The following MCM10 variants were observed in gnomAD, a reference collection of about 807,000 sequenced individuals.
MCM10 encodes the protein protein MCM10 homolog.
A neutral mutation model predicts 109.9 loss-of-function variants in MCM10; 91 were observed. The observed-to-expected ratio is 0.83, with a 90% CI of 0.70 to 0.99. The LOEUF is 0.99. Ranked by LOEUF, MCM10 falls within the 50% of genes least tolerant of loss-of-function variation. MCM10 has a pLI of 0.00. For synonymous variants in MCM10, 380 were observed against 387.2 expected (o/e 0.98, Z 0.22); for missense variants, 1,077 against 1,061.2 (o/e 1.01, Z -0.21).
At chr10:13,183,276 G>C (rs1441347076) in intron 8 of MCM10, among the ~76,000 whole-genome samples, 176 bp downstream of exon 8, 15 of 152,160 alleles carry the variant, frequency 9.9e-5, no homozygotes. Flanking sequence ...GGGCAACATA[G>C]TGAGAACCCC....
At chr10:13,188,390 C>G (rs1220938229) in intron 9 of MCM10, among the ~76,000 whole-genome samples, 1 of 152,106 alleles carries the variant, frequency 6.6e-6, no homozygotes, top group Non-Finnish European at 1.5e-5. Flanking sequence ...TGTGTAACCA[C>G]CAGCTCCCTG....
intron 2 of MCM10, among the ~76,000 whole-genome samples, chr10:13,166,529 G>T (rs1017381950): frequency 6.6e-6 from 1 of 151,706 alleles, no homozygotes; most frequent in Non-Finnish European, 1.5e-5. Context: ...CAGCTACTCG[G>T]GAGGCTGAGG....
chr10:13,177,848 T>C (rs1834162058), intron 6 of MCM10, among the ~76,000 whole-genome samples: 1 of 56,854 alleles, frequency 1.8e-5, no homozygotes. Flanking sequence ...AGACCCTATC[T>C]CAAAAAAAAA....
At chr10:13,163,702 T>TGC (rs1280372946) in intron 1 of MCM10, among the ~76,000 whole-genome samples, 3 of 152,068 alleles carry the variant, frequency 2.0e-5, no homozygotes, top group African/African-American at 7.2e-5. Flanking sequence ...TGTGTGTGTG[T>TGC]GTAATTTTTA....
In MCM10 at chr10:13,189,044, A is replaced by G; in HGVS notation, c.1379A>G (p.Tyr460Cys). The change falls in exon 10 of 20, where the codon TAC (tyrosine) becomes TGC (cysteine). Residue 460 changes from tyrosine to cysteine, a missense_variant. Coordinates refer to ENST00000378714, the MANE Select transcript of MCM10 (RefSeq NM_018518.5). Reference sequence around the variant, plus strand: ...CGGCTGTGCCAAGATGGCTTTTACTACGGAGGGGTTTCTTCTGCCTCGTAT... The same window carrying G: ...CGGCTGTGCCAAGATGGCTTTTACTGCGGAGGGGTTTCTTCTGCCTCGTAT... ...KERLCQDGFY[Y>C]GGVSSASYAA... is the part of the protein sequence containing the mutation. The G allele has an allele frequency of 6.2e-7, 1 of 1,614,236 alleles. No individual in the cohort carries two copies. Among genetic ancestry groups the G allele is most frequent in the African/African-American group, 1.3e-5 (1 of 75,066 alleles).
intron 6 of MCM10, among the ~76,000 whole-genome samples, chr10:13,179,858 T>C (rs1834187493): frequency 6.6e-6 from 1 of 152,218 alleles, no homozygotes; most frequent in Non-Finnish European, 1.5e-5. Flanking sequence ...CAGAAGAATA[T>C]TAAAATTTGC....
At chr10:13,167,075 G>A (rs991305438) in intron 2 of MCM10, among the ~76,000 whole-genome samples, 1 of 152,028 alleles carries the variant, frequency 6.6e-6, no homozygotes, top group Non-Finnish European at 1.5e-5. Flanking sequence ...GGAGTTTGAG[G>A]CTATAGTGAG....
At chr10:13,189,131 C>A in intron 10 of MCM10, 51 bp downstream of exon 10, 1 of 1,578,230 alleles carries the variant, frequency 6.3e-7, no homozygotes, top group Non-Finnish European at 8.7e-7. Flanking sequence ...TTATCAAAGA[C>A]TAAACCTACT....
At chr10:13,194,311 C>T (rs541398870) in intron 13 of MCM10, among the ~76,000 whole-genome samples, 4 of 152,280 alleles carry the variant, frequency 2.6e-5, no homozygotes, top group East Asian at 1.9e-4. Context: ...GGCAGCGAGC[C>T]GCAATCGTGC....
chr10:13,191,197 T>A, intron 10 of MCM10, 102 bp from the exon 11 acceptor site: 2 of 768,330 alleles, frequency 2.6e-6, no homozygotes, highest in Non-Finnish European at 4.5e-6. Context: ...TTGAGAAACT[T>A]TGACGGTGTG....
chr10:13,188,935 G>A lies in MCM10; in HGVS notation c.1270G>A (p.Ala424Thr), dbSNP rs777782045. Residue 424 changes from alanine (A) to threonine (T), a missense_variant, in exon 10 of 20, where the codon GCA (alanine) becomes ACA (threonine). Transcript: ENST00000378714. ...CCAGGCTCAGTACAAGAAGCTCAGC[G>A]CAAAGCGTGCGGATCTGCAGTCCAC... ...HVQAQYKKLS[A>T]KRADLQSTFS... 7.4e-6 allele frequency: 12 copies of A among 1,614,076 alleles called. No homozygotes were observed. Among genetic ancestry groups the A allele is most frequent in the East Asian group, 2.2e-5 (1 of 44,900 alleles).
At chr10:13,201,618 T>C (rs1289016192) in intron 17 of MCM10, 84 bp downstream of exon 17, 1 of 992,614 alleles carries the variant, frequency 1.0e-6, no homozygotes. Flanking sequence ...ACCTGTGGGA[T>C]CTGGGGCCCT....
chr10:13,173,670 T>C (rs896021205), intron 5 of MCM10, among the ~76,000 whole-genome samples: 1 of 152,220 alleles, frequency 6.6e-6, no homozygotes, highest in African/African-American at 2.4e-5. Flanking sequence ...CGTAGAGAAC[T>C]ACTTCCGCCT....
In MCM10 at chr10:13,210,048, T is replaced by A. The variant is rs992210930; in HGVS notation, c.*738T>A. On this transcript the variant is annotated 3_prime_UTR_variant, in exon 20 of 20. Transcript: ENST00000378714. The stretch of plus-strand genomic sequence containing the variant: ...GAAATATGTAAAATCTCATATTATT[T>A]TTTTTTTAATTTTTTTATTTTTTAT... The A allele has an allele frequency of 1.3e-5, 2 of 151,866 alleles. No individual in the cohort carries two copies. The highest frequency in any genetic ancestry group is 2.9e-5 in the Non-Finnish European group (2 of 67,942). 9.4% of individuals were successfully genotyped at this position (151,866 alleles called of 1,614,324 possible).
At chr10:13,162,854 C>G (rs1175681784) in intron 1 of MCM10, among the ~76,000 whole-genome samples, 1 of 152,006 alleles carries the variant, frequency 6.6e-6, no homozygotes, top group Non-Finnish European at 1.5e-5. Context: ...CCAAGGCGGA[C>G]GGATCACCAG....
chr10:13,177,564 TG>T (rs781662660), intron 6 of MCM10, among the ~76,000 whole-genome samples: 4 of 144,786 alleles, frequency 2.8e-5, no homozygotes, highest in Non-Finnish European at 6.0e-5. Context: ...GAAAAAACCC[TG>T]GGCTGTATAG....
chr10:13,182,648 C>G lies in MCM10; in HGVS notation c.931-285C>G, dbSNP rs1174208748. Among the ~76,000 whole-genome samples, 4 of 152,116 alleles carry G rather than the reference C, an allele frequency of 2.6e-5. No homozygotes were observed. Among genetic ancestry groups the G allele is most frequent in the African/African-American group, 9.7e-5 (4 of 41,398 alleles). ...ATTAGAAAGGCAGTGCTATCCCACT[C>G]CCTCTGCTTAGACCCGAGATAACTA... On this transcript the variant is annotated intron_variant, in intron 7 of 19. Transcript: ENST00000378714. This position sits in a 1 kb window ranked among gnomAD's most constrained non-coding sequence, Gnocchi z 4.2.
chr10:13,188,677 A>T (rs897382579), intron 9 of MCM10, among the ~76,000 whole-genome samples: 6 of 152,232 alleles, frequency 3.9e-5, no homozygotes, highest in African/African-American at 1.4e-4. Flanking sequence ...TCACCAGAAC[A>T]GTGCTTTCAG....
intron 14 of MCM10, 48 bp from the exon 15 acceptor site, chr10:13,197,573 CCT>C: frequency 6.4e-7 from 1 of 1,557,530 alleles, no homozygotes; most frequent in Non-Finnish European, 8.7e-7. Flanking sequence ...TCTATAAGTG[CCT>C]CTGTCATCTT....
Sources: allele counts gnomAD v4.1 joint callset (sites outside exome capture counted in the v4.1 genomes callset), GRCh38; gene constraint gnomAD v4.1.1; non-coding constraint Gnocchi (gnomAD v3.1); transcripts MANE v1.5; gene names NCBI Gene and HGNC (gene_info 2026-07-23, HGNC 2026-07-21).